The following CHD7 variants were observed in gnomAD, a reference collection of about 807,000 sequenced individuals.
CHD7 encodes the protein chromodomain helicase DNA binding protein 7.
CHD7 carries 24 observed loss-of-function variants against 307.3 expected under a neutral mutation model. That is an observed-to-expected ratio of 0.08 (90% CI 0.06 to 0.11). The LOEUF (loss-of-function observed/expected upper bound fraction) is 0.11, where lower values mean the gene tolerates loss of function less well. Among genes scored for constraint, CHD7 ranks in the 10% least tolerant of loss-of-function variants. The pLI is 1.00. For missense variants in CHD7, 3,106 were observed against 3,727.1 expected (o/e 0.83, Z 4.34); for synonymous variants, 1,363 against 1,349.9 (o/e 1.01, Z -0.21).
rs1186153905 is a variant in CHD7 at position 60,852,853 on chromosome 8, T to C, written c.6128T>C (p.Ile2043Thr). The C allele has an allele frequency of 6.2e-7, 1 of 1,613,332 alleles. No homozygotes were observed. Among genetic ancestry groups the C allele is most frequent in the East Asian group, 2.2e-5 (1 of 44,872 alleles). The change falls in exon 31 of 38, where the codon ATT becomes ACT. Residue 2043 changes from isoleucine to threonine, a missense_variant. Around this residue, in one of 10 missense-constraint regions of CHD7, gnomAD observed 1,030 missense variants for 1,165.4 expected, o/e 0.88. Transcript: ENST00000423902. ...GAACCGCCCGACCTCTCCTCCATAA[T>C]TGAGCCGATCACAGAGGAGCGAGCC... is the stretch of plus-strand genomic sequence containing the variant. ...DDEPPDLSSI[I>T]EPITEERASR... is the part of the protein sequence containing the mutation.
At chr8:60,688,105 C>T (rs2150482899) in intron 1 of CHD7, among the ~76,000 whole-genome samples, 1 of 152,302 alleles carries the variant, frequency 6.6e-6, no homozygotes, top group African/African-American at 2.4e-5. Context: ...CTAAAACGAC[C>T]AGGTCCTTGC....
At chr8:60,774,355 A>G (rs1199708486) in intron 2 of CHD7, among the ~76,000 whole-genome samples, 1 of 152,262 alleles carries the variant, frequency 6.6e-6, no homozygotes, top group Non-Finnish European at 1.5e-5. Context: ...AAGATGAGGT[A>G]TGTAAAATGC....
rs555709835 is a variant in CHD7 at position 60,775,827 on chromosome 8, G to A, written c.1666-5173G>A. The stretch of plus-strand genomic sequence containing the variant: ...GGCTGGAGTACAGTGGCGTGATCTC[G>A]GCTCACCGCAACCTCCAACTCCCGG... On this transcript the variant is annotated intron_variant, in intron 2 of 37. Coordinates refer to ENST00000423902, the MANE Select transcript of CHD7 (RefSeq NM_017780.4). 1.4e-4 allele frequency among the ~76,000 whole-genome samples: 21 copies of A among 152,220 alleles called. No homozygotes were observed. The South Asian group carries it at 2.1e-3, about 15-fold the overall frequency.
At chr8:60,716,751 T>C (rs529162528) in intron 1 of CHD7, among the ~76,000 whole-genome samples, 1 of 152,368 alleles carries the variant, frequency 6.6e-6, no homozygotes, top group South Asian at 2.1e-4. Flanking sequence ...TAATGTTTAC[T>C]GATGCATCTC....
At chr8:60,737,128 TTCTG>T (rs1450662017) in intron 1 of CHD7, among the ~76,000 whole-genome samples, 2 of 152,198 alleles carry the variant, frequency 1.3e-5, no homozygotes, top group Non-Finnish European at 2.9e-5. Flanking sequence ...TTATCATTGA[TTCTG>T]TCTGTGCTTG....
intron 1 of CHD7, among the ~76,000 whole-genome samples, chr8:60,714,406 GCCCCCCCCCCCCCCCCC>G (rs71245516): frequency 5.1e-4 from 9 of 17,622 alleles, no homozygotes; most frequent in Non-Finnish European, 7.3e-4. Flanking sequence ...CCGGGAGAAG[GCCCCCCCCCCCCCCCCC>G]CCCCGCCCCG....
At chr8:60,755,097 G>T (rs989915268) in intron 2 of CHD7, among the ~76,000 whole-genome samples, 2 of 152,068 alleles carry the variant, frequency 1.3e-5, no homozygotes, top group African/African-American at 4.8e-5. Flanking sequence ...GATTTATGAA[G>T]GCTATCCCAC....
chr8:60,824,454 A>G (rs1239953235), intron 13 of CHD7: 11 of 186,806 alleles, frequency 5.9e-5, no homozygotes, highest in Non-Finnish European at 3.3e-5. Context: ...TCCAAAATCT[A>G]AAAATATCTG....
chr8:60,838,549 G>A (rs773580592), intron 19 of CHD7, among the ~76,000 whole-genome samples: 2 of 152,112 alleles, frequency 1.3e-5, no homozygotes, highest in Non-Finnish European at 2.9e-5. Context: ...ATCCTGCTCC[G>A]TTGGCATCTT....
chr8:60,832,843 C>T lies in CHD7; in HGVS notation c.3778+2266C>T, dbSNP rs370160418. ...TCATCCTGTATAGCATATTTGTTCG[C>T]GAGGAGCCTCTTAGGACTCCCTAAG... On this transcript the variant is annotated intron_variant, in intron 15 of 37. Coordinates refer to ENST00000423902, the MANE Select transcript of CHD7 (RefSeq NM_017780.4). Among the ~76,000 whole-genome samples the T allele has an allele frequency of 3.9e-5, 6 of 152,262 alleles. No homozygotes were observed. In the East Asian group the frequency reaches 5.8e-4, roughly 15 times the overall value.
chr8:60,716,764 G>T (rs192858390), intron 1 of CHD7, among the ~76,000 whole-genome samples: 337 of 152,300 alleles, frequency 2.2e-3, no homozygotes, highest in African/African-American at 7.4e-3. Context: ...TGCATCTCCA[G>T]TGCCTAGGAC....
chr8:60,842,111 A>G (rs543366242), intron 21 of CHD7, 59 bp downstream of exon 21: 30 of 1,370,980 alleles, frequency 2.2e-5, no homozygotes, highest in East Asian at 9.4e-5. Context: ...AGAATTCCCA[A>G]CTGGTAGAGA....
intron 1 of CHD7, among the ~76,000 whole-genome samples, chr8:60,709,089 G>C (rs755523590): frequency 1.5e-4 from 23 of 152,038 alleles, no homozygotes; most frequent in East Asian, 9.6e-4. Flanking sequence ...CATTATCTAC[G>C]TTCCTGTTTT....
chr8:60,737,016 A>G (rs1272544797), intron 1 of CHD7, among the ~76,000 whole-genome samples: 1 of 151,440 alleles, frequency 6.6e-6, no homozygotes, highest in Non-Finnish European at 1.5e-5. Context: ...AAAATTTAAC[A>G]TGTGTTATAA....
intron 7 of CHD7, among the ~76,000 whole-genome samples, chr8:60,810,276 G>T (rs748243132): frequency 2.0e-5 from 3 of 152,032 alleles, no homozygotes; most frequent in African/African-American, 4.8e-5. Context: ...TCAGTGAAGG[G>T]GGGGGCATTG....
intron 2 of CHD7, among the ~76,000 whole-genome samples, chr8:60,773,732 A>G (rs1379607477): frequency 1.3e-5 from 2 of 152,216 alleles, no homozygotes; most frequent in Non-Finnish European, 2.9e-5. Flanking sequence ...GAATTGGTTC[A>G]GTCCCTGGGA....
At chr8:60,847,503 T>G (rs978631193) in intron 23 of CHD7, among the ~76,000 whole-genome samples, 19 of 152,160 alleles carry the variant, frequency 1.2e-4, no homozygotes, top group African/African-American at 2.4e-5. Flanking sequence ...TGTGAGACAT[T>G]GATTGTAAAG....
At chr8:60,766,295 G>C (rs1012253735) in intron 2 of CHD7, among the ~76,000 whole-genome samples, 1 of 152,240 alleles carries the variant, frequency 6.6e-6, no homozygotes, top group Non-Finnish European at 1.5e-5. Flanking sequence ...GAGAGAAAGG[G>C]GGGGAATTAT....
At chr8:60,780,940 GTTCTT>G in intron 2 of CHD7, 55 bp from the exon 3 acceptor site, 4 of 1,429,736 alleles carry the variant, frequency 2.8e-6, no homozygotes, top group Non-Finnish European at 3.7e-6. Context: ...CTAACTTTCA[GTTCTT>G]TTCTTTACTG....
Sources: gnomAD v4.1 joint callset for allele counts (sites outside exome capture counted in the v4.1 genomes callset) on GRCh38, gnomAD v4.1.1 for gene constraint, gnomAD v4.1.1 regional missense constraint, MANE v1.5 for transcripts, NCBI Gene and HGNC (gene_info 2026-07-23, HGNC 2026-07-21) for gene names.